CRIM1: variants seen among roughly 807,000 people sequenced by gnomAD.
CRIM1 encodes the protein cysteine-rich motor neuron 1 protein.
A neutral mutation model predicts 116.4 loss-of-function variants in CRIM1; 32 were observed. The observed-to-expected ratio is 0.27, with a 90% CI of 0.21 to 0.37. The LOEUF (loss-of-function observed/expected upper bound fraction) is 0.37, where lower values mean the gene tolerates loss of function less well. CRIM1 is among the 10% of genes least tolerant of loss of function. The pLI is 1.00. For missense variants in CRIM1, 1,331 were observed against 1,354.8 expected, an observed-to-expected ratio of 0.98 and a Z score of 0.28; for synonymous variants, 590 against 509.2, an observed-to-expected ratio of 1.16 and a Z score of -2.13.
chr2:36,405,974 C>G (rs1413279158), intron 2 of CRIM1, among the ~76,000 whole-genome samples: 1 of 152,162 alleles, frequency 6.6e-6, no homozygotes, highest in Non-Finnish European at 1.5e-5. Flanking sequence ...TAGGTTTACC[C>G]ATTTGGTCTT....
intron 2 of CRIM1, among the ~76,000 whole-genome samples, chr2:36,399,231 A>T (rs1672248867): frequency 6.6e-6 from 1 of 152,250 alleles, no homozygotes; most frequent in Admixed American, 6.5e-5. Flanking sequence ...AGAAATCATT[A>T]TAGGTTTATG....
At chr2:36,485,987 G>C (rs563788384) in intron 7 of CRIM1, among the ~76,000 whole-genome samples, 1 of 152,250 alleles carries the variant, frequency 6.6e-6, no homozygotes, top group African/African-American at 2.4e-5. Flanking sequence ...CAAATGCGTA[G>C]CAAATGACTG....
intron 5 of CRIM1, among the ~76,000 whole-genome samples, chr2:36,469,557 A>C (rs1468740416): frequency 6.6e-6 from 1 of 152,158 alleles, no homozygotes; most frequent in Non-Finnish European, 1.5e-5. Flanking sequence ...ATGTGAAATC[A>C]CCATTTAAAG....
chr2:36,396,008 A>G (rs1034458776), intron 1 of CRIM1, among the ~76,000 whole-genome samples: 5 of 152,180 alleles, frequency 3.3e-5, no homozygotes, highest in Admixed American at 2.0e-4. Flanking sequence ...CGTGGGCTCA[A>G]GTGATCCTCC....
chr2:36,491,746 C>A (rs1468054277), intron 7 of CRIM1, among the ~76,000 whole-genome samples: 1 of 152,118 alleles, frequency 6.6e-6, no homozygotes, highest in Non-Finnish European at 1.5e-5. Context: ...TTCCAGTTAC[C>A]AAAAGTCTGA....
chr2:36,389,706 C>T (rs1671432541), intron 1 of CRIM1, among the ~76,000 whole-genome samples: 1 of 152,176 alleles, frequency 6.6e-6, no homozygotes, highest in African/African-American at 2.4e-5. Context: ...CACCTTCAGG[C>T]TGGCAGAAAT....
intron 4 of CRIM1, among the ~76,000 whole-genome samples, chr2:36,443,645 T>C (rs1270541330): frequency 6.6e-6 from 1 of 152,246 alleles, no homozygotes; most frequent in African/African-American, 2.4e-5. Context: ...GGCATTTAGC[T>C]TCTGGGTTTG....
Position 36,549,637 on chromosome 2 carries a change from A to T in CRIM1, c.*936A>T, listed in dbSNP as rs1667608050. ...AGCTTAAGAAGAAACTTTTTTTAAA[A>T]AGACTGTTTGGGGATTCTTTTTCCT... On this transcript the variant is annotated 3_prime_UTR_variant, in exon 17 of 17. Transcript: ENST00000280527. 2.0e-5 allele frequency: 3 copies of T among 152,582 alleles called. No individual in the cohort carries two copies. In the South Asian group the frequency reaches 6.2e-4, roughly 32 times the overall value. The allele number at this position is 152,582 out of a possible 1,614,324, so 9.5% of individuals were successfully genotyped here.
chr2:36,538,835 C>G (rs929188223), intron 14 of CRIM1, among the ~76,000 whole-genome samples: 29 of 152,196 alleles, frequency 1.9e-4, no homozygotes, highest in African/African-American at 6.7e-4. Flanking sequence ...TGGTTTTCCA[C>G]TGGAATTATT....
chr2:36,542,378 C>T (rs767102930), intron 14 of CRIM1, among the ~76,000 whole-genome samples: 1 of 152,242 alleles, frequency 6.6e-6, no homozygotes, highest in Non-Finnish European at 1.5e-5. Flanking sequence ...CCTGCTGTTT[C>T]CAAGTAGAGC....
chr2:36,359,157 A>C (rs1392737917), intron 1 of CRIM1, among the ~76,000 whole-genome samples: 2 of 152,194 alleles, frequency 1.3e-5, no homozygotes, highest in African/African-American at 4.8e-5. Flanking sequence ...ATGAATAGGA[A>C]TCAATATATT....
intron 8 of CRIM1, among the ~76,000 whole-genome samples, chr2:36,504,092 A>G (rs1195130007): frequency 6.6e-6 from 1 of 152,004 alleles, no homozygotes; most frequent in Non-Finnish European, 1.5e-5. Flanking sequence ...CAGGCAGGTC[A>G]CGAACTCCTG....
At position 36,522,104 on chromosome 2, in the gene CRIM1, G is replaced by A. The variant is rs142401337; in HGVS notation, c.2219G>A (p.Arg740Gln). 2.2e-5 allele frequency: 36 copies of A among 1,613,824 alleles called. No individual in the cohort carries two copies. Among genetic ancestry groups the A allele is most frequent in the Non-Finnish European group, 2.7e-5 (32 of 1,179,936 alleles). ...TTCATTTTTCCAGATCAACCTTTTC[G>A]GCCTTCCTTGTCCCGCAATAACAGC... ...CCPQCTDQPF[R>Q]PSLSRNNSVP... Residue 740 changes from arginine (R) to glutamine (Q), a missense_variant, in exon 13 of 17, where the codon CGG becomes CAG. Arg to Gln is a conservative substitution (Grantham distance 43). Transcript: ENST00000280527.
chr2:36,433,633 A>G (rs1433309436), intron 2 of CRIM1, among the ~76,000 whole-genome samples: 3 of 152,210 alleles, frequency 2.0e-5, no homozygotes, highest in Admixed American at 6.5e-5. Context: ...CTCCTCCCCC[A>G]GAATTTCTGA....
chr2:36,529,031 G>A (rs769964515), intron 13 of CRIM1: 13 of 458,330 alleles, frequency 2.8e-5, no homozygotes, highest in South Asian at 1.4e-4. Context: ...TAGTCTTTAG[G>A]TGTGCTCCGC....
In CRIM1 at chr2:36,537,619, C is replaced by T. The variant is rs1351002965; in HGVS notation, c.2623+73C>T. 1.1e-5 allele frequency: 15 copies of T among 1,428,174 alleles called. No individual in the cohort carries two copies. The East Asian group carries it at 3.5e-4, about 33-fold the overall frequency. The allele number at this position is 1,428,174 out of a possible 1,614,324, so 88.5% of individuals were successfully genotyped here. On this transcript the variant is annotated intron_variant, in intron 14 of 16. Coordinates refer to ENST00000280527, the MANE Select transcript of CRIM1 (RefSeq NM_016441.3). ...AAGATGAAATCGAAGCAGAGCTCGA[C>T]CTGCCCCTTCTTTCATTCGTTCACA... is the stretch of plus-strand genomic sequence containing the variant.
chr2:36,511,428 C>T (rs3770833), intron 9 of CRIM1, among the ~76,000 whole-genome samples: 47,870 of 152,026 alleles, frequency 0.31, 7,777 homozygotes, highest in Middle Eastern at 0.47. Context: ...CATCATCATT[C>T]TTAATCCTAA....
chr2:36,485,879 TTAACTC>T (rs762074582), intron 7 of CRIM1, among the ~76,000 whole-genome samples: 25 of 152,360 alleles, frequency 1.6e-4, no homozygotes, highest in Non-Finnish European at 3.1e-4. Context: ...GTTTTATCCT[TTAACTC>T]TAAACGTCCT....
At chr2:36,481,930 C>T (rs918904583) in intron 7 of CRIM1, among the ~76,000 whole-genome samples, 1 of 152,158 alleles carries the variant, frequency 6.6e-6, no homozygotes, top group Non-Finnish European at 1.5e-5. Flanking sequence ...GGGAGGAAAT[C>T]ATTTTGCAGT....
Sources: gnomAD v4.1 joint callset for allele counts (sites outside exome capture counted in the v4.1 genomes callset) on GRCh38, gnomAD v4.1.1 for gene constraint, MANE v1.5 for transcripts, NCBI Gene and HGNC (gene_info 2026-07-23, HGNC 2026-07-21) for gene names.